Variants in PPP1CB observed in about 807,000 individuals in gnomAD.
PPP1CB encodes the protein serine/threonine-protein phosphatase PP1-beta catalytic subunit.
PPP1CB carries 2 observed loss-of-function variants against 43.7 expected under a neutral mutation model. That is an observed-to-expected ratio of 0.05 (90% CI 0.02 to 0.14). PPP1CB has a LOEUF of 0.14. Among genes scored for constraint, PPP1CB ranks in the 10% least tolerant of loss-of-function variants. The pLI, the probability that PPP1CB is intolerant of heterozygous loss-of-function variation, is 1.00. For synonymous variants in PPP1CB, 136 were observed against 135.6 expected, an observed-to-expected ratio of 1.00 and a Z score of -0.02; for missense variants, 84 against 398.0, an observed-to-expected ratio of 0.21 and a Z score of 6.71.
At chr2:28,792,952 TC>T (rs1353593941) in intron 6 of PPP1CB, among the ~76,000 whole-genome samples, 1 of 152,210 alleles carries the variant, frequency 6.6e-6, no homozygotes, top group Non-Finnish European at 1.5e-5. Context: ...ACGCCTGTAA[TC>T]CCAGCACTTT....
At chr2:28,784,942 GAAAC>G (rs1164242177) in intron 5 of PPP1CB, among the ~76,000 whole-genome samples, 5 of 128,700 alleles carry the variant, frequency 3.9e-5, no homozygotes, top group African/African-American at 1.5e-4. Flanking sequence ...AAAGAAAAAA[GAAAC>G]AACAATCACC....
intron 7 of PPP1CB, 101 bp downstream of exon 7, chr2:28,794,098 GTC>G: frequency 1.0e-6 from 1 of 980,836 alleles, no homozygotes. Context: ...AGTGTTGAAA[GTC>G]TGTTTAATTC....
chr2:28,784,733 A>G (rs1355692537), intron 5 of PPP1CB, among the ~76,000 whole-genome samples: 2 of 151,888 alleles, frequency 1.3e-5, no homozygotes, highest in African/African-American at 4.8e-5. Flanking sequence ...AGCCTGGCCA[A>G]CGTGATGAAA....
chr2:28,773,149 T>A (rs1025776882), intron 1 of PPP1CB, among the ~76,000 whole-genome samples: 1 of 152,190 alleles, frequency 6.6e-6, no homozygotes, highest in Admixed American at 6.5e-5. Flanking sequence ...AGTTTAAAAT[T>A]CGTTGAGTTA....
intron 1 of PPP1CB, among the ~76,000 whole-genome samples, chr2:28,775,179 C>T (rs1416731376): frequency 1.3e-5 from 2 of 152,178 alleles, no homozygotes; most frequent in African/African-American, 4.8e-5. Context: ...TCTCAGCTCA[C>T]TGTAGCCTCT....
intron 2 of PPP1CB, chr2:28,778,270 T>C (rs769486808): frequency 2.3e-6 from 1 of 438,856 alleles, no homozygotes; most frequent in Non-Finnish European, 4.7e-6. Flanking sequence ...TTTAGTTACC[T>C]ATTGTTGTAT....
At chr2:28,771,055 C>CCCCT (rs1558302176) in intron 1 of PPP1CB, among the ~76,000 whole-genome samples, 68 of 59,580 alleles carry the variant, frequency 1.1e-3, no homozygotes, top group South Asian at 1.7e-3. Flanking sequence ...CCCCCCCACC[C>CCCCT]TTTTTTTTTT....
chr2:28,759,818 C>T (rs945945132), intron 1 of PPP1CB, among the ~76,000 whole-genome samples: 3 of 152,086 alleles, frequency 2.0e-5, no homozygotes, highest in South Asian at 4.2e-4. Flanking sequence ...GGGGTTTCAC[C>T]GTGTTAGCCA....
intron 1 of PPP1CB, among the ~76,000 whole-genome samples, chr2:28,768,027 T>C (rs1397314895): frequency 6.6e-6 from 1 of 152,218 alleles, no homozygotes; most frequent in East Asian, 1.9e-4. Context: ...CCATGGTGTC[T>C]AGTCCTTGAC....
chr2:28,759,678 C>T (rs1381297586), intron 1 of PPP1CB, among the ~76,000 whole-genome samples: 3 of 150,296 alleles, frequency 2.0e-5, no homozygotes, highest in African/African-American at 7.4e-5. Flanking sequence ...AGTGCAGTGA[C>T]GCGATCTCAG....
chr2:28,797,022 A>G (rs976077953), intron 7 of PPP1CB, among the ~76,000 whole-genome samples: 1 of 152,164 alleles, frequency 6.6e-6, no homozygotes, highest in African/African-American at 2.4e-5. Flanking sequence ...GCCTTTCTGC[A>G]TCTATTGAGA....
intron 2 of PPP1CB, 94 bp downstream of exon 2, chr2:28,777,076 T>C: frequency 7.4e-7 from 1 of 1,354,312 alleles, no homozygotes; most frequent in Admixed American, 2.0e-5. Context: ...GAAATTTTTG[T>C]ATAAAACAGA....
chr2:28,770,380 A>AT (rs1666877395), intron 1 of PPP1CB, among the ~76,000 whole-genome samples: 1 of 16,424 alleles, frequency 6.1e-5, no homozygotes, highest in African/African-American at 2.2e-4. Context: ...AAGTAAAAAA[A>AT]AGGGGGGGGG....
At chr2:28,786,114 A>T (rs750241932) in intron 5 of PPP1CB, among the ~76,000 whole-genome samples, 9 of 152,028 alleles carry the variant, frequency 5.9e-5, no homozygotes, top group Non-Finnish European at 1.2e-4. Flanking sequence ...ATAAATCTTG[A>T]CTCTGAAATT....
At chr2:28,764,150 C>G (rs905130183) in intron 1 of PPP1CB, among the ~76,000 whole-genome samples, 3 of 151,588 alleles carry the variant, frequency 2.0e-5, no homozygotes, top group Non-Finnish European at 4.4e-5. Context: ...AGAAGAAAAG[C>G]AAGAGAGAAA....
At chr2:28,766,618 C>T (rs1038853398) in intron 1 of PPP1CB, among the ~76,000 whole-genome samples, 1 of 152,280 alleles carries the variant, frequency 6.6e-6, no homozygotes, top group South Asian at 2.1e-4. Context: ...TCAGTCACTT[C>T]GAATGAGGAT....
At chr2:28,771,055 C>CCCCCCCCCT (rs1558302176) in intron 1 of PPP1CB, among the ~76,000 whole-genome samples, 4 of 59,598 alleles carry the variant, frequency 6.7e-5, no homozygotes, top group Non-Finnish European at 1.3e-4. Context: ...CCCCCCCACC[C>CCCCCCCCCT]TTTTTTTTTT....
chr2:28,780,920 ACTAG>A (rs201955692), intron 3 of PPP1CB, among the ~76,000 whole-genome samples: 1 of 122,618 alleles, frequency 8.2e-6, no homozygotes, highest in Non-Finnish European at 2.0e-5. Flanking sequence ...ACAAAAGAAT[ACTAG>A]TTAAACACTT....
At chr2:28,794,776 A>T (rs149602168) in intron 7 of PPP1CB, among the ~76,000 whole-genome samples, 2,869 of 152,114 alleles carry the variant, frequency 0.019, 90 homozygotes, top group African/African-American at 0.066. Context: ...TTATTTATTT[A>T]TTTTTTTCTT....
Sources: gnomAD v4.1 joint callset for allele counts (sites outside exome capture counted in the v4.1 genomes callset) on GRCh38, gnomAD v4.1.1 for gene constraint, MANE v1.5 for transcripts, NCBI Gene and HGNC (gene_info 2026-07-23, HGNC 2026-07-21) for gene names.